ARHGAP42: variants seen among roughly 807,000 people sequenced by gnomAD.
ARHGAP42 encodes Rho GTPase activating protein 42.
In ARHGAP42, 63 loss-of-function variants were observed where a neutral mutation model predicts 125.0. The ratio of observed to expected loss-of-function variants is 0.50; its 90% confidence interval spans 0.41 to 0.62. The LOEUF (loss-of-function observed/expected upper bound fraction) is 0.62, where lower values mean the gene tolerates loss of function less well. ARHGAP42 is among the 20% of genes least tolerant of loss of function. The probability of loss-of-function intolerance (pLI) is 0.00; values close to 1 mark genes in which losing one functional copy is unlikely to be tolerated. For synonymous variants in ARHGAP42, 339 were observed against 351.0 expected (o/e 0.97, Z 0.38); for missense variants, 766 against 1,024.2 (o/e 0.75, Z 3.44).
intron 2 of ARHGAP42, among the ~76,000 whole-genome samples, chr11:100,776,816 C>G (rs946155805): frequency 6.6e-6 from 1 of 151,902 alleles, no homozygotes; most frequent in African/African-American, 2.4e-5. Context: ...AACCCCATCT[C>G]TTCTAAAAAT....
At chr11:100,971,113 A>G (rs1565300772) in intron 17 of ARHGAP42, among the ~76,000 whole-genome samples, 1 of 152,148 alleles carries the variant, frequency 6.6e-6, no homozygotes, top group Non-Finnish European at 1.5e-5. Context: ...TTGTACCTCA[A>G]AAGCCACAGA....
At chr11:100,774,009 A>T (rs1016977072) in intron 2 of ARHGAP42, among the ~76,000 whole-genome samples, 1 of 152,240 alleles carries the variant, frequency 6.6e-6, no homozygotes, top group African/African-American at 2.4e-5. Context: ...AAAATGACTT[A>T]CAAGTATAAA....
chr11:100,715,039 AC>A (rs1226976788), intron 1 of ARHGAP42, among the ~76,000 whole-genome samples: 2 of 127,960 alleles, frequency 1.6e-5, no homozygotes, highest in Non-Finnish European at 3.3e-5. Flanking sequence ...ATGCAGTGAA[AC>A]CCTATCTCAA....
chr11:100,976,664 C>G (rs555573371), intron 20 of ARHGAP42, 151 bp from the exon 21 acceptor site: 1 of 1,107,340 alleles, frequency 9.0e-7, no homozygotes, highest in African/African-American at 1.6e-5. Context: ...TTTGATCTCC[C>G]CAAGTGATGG....
intron 22 of ARHGAP42, chr11:100,986,061 C>G (rs1565308176): frequency 2.2e-6 from 1 of 456,654 alleles, no homozygotes; most frequent in East Asian, 6.9e-5. Context: ...CTTTTTCTCA[C>G]TCATTCATTT....
intron 1 of ARHGAP42, among the ~76,000 whole-genome samples, chr11:100,742,919 A>C (rs1862219433): frequency 6.6e-6 from 1 of 152,138 alleles, no homozygotes; most frequent in Non-Finnish European, 1.5e-5. Context: ...TTTGTGTGGA[A>C]TGTCTTTTTC....
intron 2 of ARHGAP42, among the ~76,000 whole-genome samples, chr11:100,792,199 A>G (rs2135027610): frequency 6.6e-6 from 1 of 152,282 alleles, no homozygotes; most frequent in East Asian, 1.9e-4. Flanking sequence ...TTTATTCCAA[A>G]ATAGCTGTTG....
intron 1 of ARHGAP42, among the ~76,000 whole-genome samples, chr11:100,716,743 AT>A (rs541201616): frequency 3.3e-5 from 5 of 152,240 alleles, no homozygotes; most frequent in African/African-American, 7.2e-5. Flanking sequence ...AATTAAAAAT[AT>A]TTTTTTGTAG....
intron 3 of ARHGAP42, among the ~76,000 whole-genome samples, chr11:100,829,676 G>T (rs181205255): frequency 6.6e-6 from 1 of 152,202 alleles, no homozygotes; most frequent in East Asian, 1.9e-4. Flanking sequence ...TTCAATTTTG[G>T]CATTTTCCAA....
At chr11:100,840,475 C>G (rs1011853537) in intron 3 of ARHGAP42, 1 of 152,108 alleles carries the variant, frequency 6.6e-6, no homozygotes, top group Non-Finnish European at 1.5e-5. Flanking sequence ...TCTGAATTAT[C>G]TAACTTTAGA....
chr11:100,779,013 T>G (rs1863201532), intron 2 of ARHGAP42, among the ~76,000 whole-genome samples: 1 of 152,192 alleles, frequency 6.6e-6, no homozygotes, highest in South Asian at 2.1e-4. Flanking sequence ...TTCCTATTCC[T>G]TCGTAGTACT....
intron 2 of ARHGAP42, among the ~76,000 whole-genome samples, chr11:100,787,694 G>T (rs922925743): frequency 6.6e-6 from 1 of 152,192 alleles, no homozygotes; most frequent in Non-Finnish European, 1.5e-5. Flanking sequence ...GAACCCAGGC[G>T]TGGAGGGAGG....
rs370615010 is a variant in ARHGAP42, at chr11:100,687,292, C to T, written c.-387C>T. ...GCTGTGCGCTGCTTCTGGCTCACAA[C>T]GCCGACGACTGTCAAGAGAGTTGGG... is the stretch of plus-strand genomic sequence containing the variant. On this transcript the variant is annotated 5_prime_UTR_variant, in exon 1 of 24. It adds an upstream start codon to the 5' untranslated region. Coordinates refer to ENST00000298815, the MANE Select transcript of ARHGAP42 (RefSeq NM_152432.4). Among the ~76,000 whole-genome samples the T allele has an allele frequency of 6.6e-6, 1 of 152,118 alleles. No individual in the cohort carries two copies. The highest frequency in any genetic ancestry group is 1.5e-5 in the Non-Finnish European group (1 of 68,000).
chr11:100,988,875 G>C lies in ARHGAP42; in HGVS notation c.*74G>C. ...AAATGCTATGATTTTATCTGACACAGATACACGGGGATCAGCCCACTAAGT... is the reference window on the plus strand; with the variant it reads ...AAATGCTATGATTTTATCTGACACACATACACGGGGATCAGCCCACTAAGT... On this transcript the variant is annotated 3_prime_UTR_variant, in exon 24 of 24. Transcript: ENST00000298815. 1 of 1,096,706 alleles carries C rather than the reference G, an allele frequency of 9.1e-7. No individual in the cohort carries two copies. Among genetic ancestry groups the C allele is most frequent in the Non-Finnish European group, 1.3e-6 (1 of 761,532 alleles). The allele number at this position is 1,096,706 out of a possible 1,614,324, so 67.9% of individuals were successfully genotyped here. A position where few individuals can be genotyped will look rare whatever the true frequency, so the allele number is the denominator to read the frequency against.
chr11:100,877,224 A>G (rs61890819), intron 4 of ARHGAP42, among the ~76,000 whole-genome samples: 10,806 of 152,320 alleles, frequency 0.071, 541 homozygotes, highest in East Asian at 0.25. Context: ...ATCAGAAACA[A>G]TAGAGTTCCA....
At chr11:100,886,440 A>G (rs1320713282) in intron 4 of ARHGAP42, among the ~76,000 whole-genome samples, 1 of 152,220 alleles carries the variant, frequency 6.6e-6, no homozygotes, top group Non-Finnish European at 1.5e-5. Context: ...TTCAAACTGT[A>G]GGGTTCTCTG....
chr11:100,969,897 GA>G (rs1157190218), intron 17 of ARHGAP42, among the ~76,000 whole-genome samples: 1 of 152,116 alleles, frequency 6.6e-6, no homozygotes, highest in African/African-American at 2.4e-5. Flanking sequence ...TTTGGTTGAA[GA>G]CATGGCATTT....
chr11:100,960,881 C>G (rs1857935861), intron 13 of ARHGAP42, 34 bp from the exon 14 acceptor site: 2 of 1,396,900 alleles, frequency 1.4e-6, no homozygotes, highest in Non-Finnish European at 1.9e-6. Context: ...AGCTGTATCT[C>G]AAGCCGTTTT....
intron 4 of ARHGAP42, among the ~76,000 whole-genome samples, chr11:100,879,775 C>T (rs1325187556): frequency 2.0e-5 from 3 of 152,170 alleles, no homozygotes; most frequent in Non-Finnish European, 4.4e-5. Context: ...TCCCTTGGGT[C>T]TCTTGTAGTT....
Sources: gnomAD v4.1 joint callset for allele counts (sites outside exome capture counted in the v4.1 genomes callset) on GRCh38, gnomAD v4.1.1 for gene constraint, MANE v1.5 for transcripts, NCBI Gene and HGNC (gene_info 2026-07-23, HGNC 2026-07-21) for gene names.